Variants in ERC1 observed in about 807,000 individuals in gnomAD.
The protein encoded by ERC1 is RAB6 interacting protein 2.
In ERC1, 56 loss-of-function variants were observed where a neutral mutation model predicts 132.0. That is an observed-to-expected ratio of 0.42 (90% confidence interval 0.34 to 0.53). The LOEUF (loss-of-function observed/expected upper bound fraction) is 0.53, where lower values mean the gene tolerates loss of function less well. Ranked by LOEUF, ERC1 falls within the 20% of genes least tolerant of loss-of-function variation. The pLI, the probability that ERC1 is intolerant of heterozygous loss-of-function variation, is 0.03. For synonymous variants in ERC1, 478 were observed against 476.1 expected, an observed-to-expected ratio of 1.00 and a Z score of -0.05; for missense variants, 1,202 against 1,349.9, an observed-to-expected ratio of 0.89 and a Z score of 1.72.
Position 1,491,224 on chromosome 12 carries a change from C to G in ERC1, c.*994C>G, listed in dbSNP as rs1320719992. 4.3e-6 allele frequency: 1 copy of G among 231,344 alleles called. No homozygotes were observed. Among genetic ancestry groups the G allele is most frequent in the Non-Finnish European group, 8.6e-6 (1 of 116,902 alleles). The allele number at this position is 231,344 out of a possible 1,614,324, so 14.3% of individuals were successfully genotyped here. A position where few individuals can be genotyped will look rare whatever the true frequency, so the allele number is the denominator to read the frequency against. ...AGAGGCTGCCTGCCTTGCCAGCACC[C>G]GTGTCCTGAGCTCCTGCAGCCCAGT... On this transcript the variant is annotated 3_prime_UTR_variant, in exon 19 of 19. Transcript: ENST00000360905.
chr12:1,103,340 C>T (rs541471678), intron 3 of ERC1, among the ~76,000 whole-genome samples: 4 of 152,198 alleles, frequency 2.6e-5, no homozygotes, highest in African/African-American at 7.2e-5. Flanking sequence ...TGCAGGCTGC[C>T]GAGAGGACTT....
intron 15 of ERC1, 46 bp from the exon 16 acceptor site, chr12:1,371,787 G>T (rs779086886): frequency 1.3e-5 from 21 of 1,589,874 alleles, no homozygotes; most frequent in Admixed American, 1.8e-5. Context: ...CCAAAGAATT[G>T]TTGGAAGGGG....
At chr12:1,025,037 A>G (rs1289101116) in intron 1 of ERC1, among the ~76,000 whole-genome samples, 1 of 152,186 alleles carries the variant, frequency 6.6e-6, no homozygotes, top group Non-Finnish European at 1.5e-5. Flanking sequence ...GTCATTTTGA[A>G]TCAGGGACTT....
At chr12:1,417,650 G>A (rs796575922) in intron 17 of ERC1, among the ~76,000 whole-genome samples, 4 of 152,040 alleles carry the variant, frequency 2.6e-5, no homozygotes, top group East Asian at 1.9e-4. Flanking sequence ...GTGTGGTGGC[G>A]CGTGCCTGTA....
chr12:1,208,759 G>T (rs1232395175), intron 12 of ERC1, among the ~76,000 whole-genome samples: 2 of 151,990 alleles, frequency 1.3e-5, no homozygotes, highest in African/African-American at 4.8e-5. Flanking sequence ...ATAAAATAAT[G>T]ATATTGCAAT....
intron 17 of ERC1, among the ~76,000 whole-genome samples, chr12:1,414,858 CTG>C (rs375722420): frequency 6.6e-6 from 1 of 151,538 alleles, no homozygotes; most frequent in Non-Finnish European, 1.5e-5. Flanking sequence ...GTGTGTGTGT[CTG>C]TGTGTGTGTG....
At chr12:1,080,206 A>G (rs1941985959) in intron 2 of ERC1, among the ~76,000 whole-genome samples, 1 of 152,206 alleles carries the variant, frequency 6.6e-6, no homozygotes, top group African/African-American at 2.4e-5. Flanking sequence ...GGCATTCAGT[A>G]TATCCCATCT....
intron 7 of ERC1, among the ~76,000 whole-genome samples, chr12:1,119,789 A>G (rs539508878): frequency 6.6e-6 from 1 of 151,942 alleles, no homozygotes; most frequent in East Asian, 1.9e-4. Context: ...ACCTCAGGTG[A>G]TCTGTCCTCC....
At chr12:1,262,968 T>G in intron 13 of ERC1, 66 bp from the exon 14 acceptor site, 8 of 1,549,282 alleles carry the variant, frequency 5.2e-6, no homozygotes, top group Non-Finnish European at 7.0e-6. Flanking sequence ...AGCCCTTTCT[T>G]AATAAATAGG....
intron 15 of ERC1, among the ~76,000 whole-genome samples, chr12:1,310,040 C>T (rs554497525): frequency 9.2e-5 from 14 of 151,648 alleles, no homozygotes; most frequent in South Asian, 4.2e-4. Context: ...CTCTGCCTCC[C>T]GGGTTCACGC....
At chr12:1,474,180 G>C (rs185333301) in intron 18 of ERC1, among the ~76,000 whole-genome samples, 15 of 152,334 alleles carry the variant, frequency 9.8e-5, no homozygotes, top group Admixed American at 8.5e-4. Context: ...CATCATGCCA[G>C]ATTACAGCTC....
intron 1 of ERC1, among the ~76,000 whole-genome samples, chr12:1,008,317 A>G (rs1458638398): frequency 6.6e-6 from 1 of 152,250 alleles, no homozygotes; most frequent in Non-Finnish European, 1.5e-5. Context: ...TAATTAAAAA[A>G]TTTTTAGTAG....
chr12:1,061,647 C>T (rs1475805903), intron 2 of ERC1, among the ~76,000 whole-genome samples: 3 of 151,958 alleles, frequency 2.0e-5, no homozygotes, highest in Non-Finnish European at 4.4e-5. Context: ...AAAACAAGTT[C>T]TTGTTTCATT....
At chr12:1,049,235 G>C (rs1363521972) in intron 2 of ERC1, among the ~76,000 whole-genome samples, 1 of 152,194 alleles carries the variant, frequency 6.6e-6, no homozygotes, top group Non-Finnish European at 1.5e-5. Flanking sequence ...AGAAGTCACT[G>C]TTCTGTCAGA....
At chr12:1,384,590 A>G (rs1419475503) in intron 16 of ERC1, among the ~76,000 whole-genome samples, 3 of 152,148 alleles carry the variant, frequency 2.0e-5, no homozygotes, top group Admixed American at 6.6e-5. Context: ...GCTCATAGAG[A>G]TGAGTGATTG....
At chr12:1,136,431 C>T (rs1476808485) in intron 7 of ERC1, among the ~76,000 whole-genome samples, 1 of 152,212 alleles carries the variant, frequency 6.6e-6, no homozygotes, top group Non-Finnish European at 1.5e-5. Flanking sequence ...CTCTACACTT[C>T]TGTTGCAGCA....
At chr12:1,040,554 C>G (rs1229235943) in intron 2 of ERC1, among the ~76,000 whole-genome samples, 1 of 152,130 alleles carries the variant, frequency 6.6e-6, no homozygotes, top group Non-Finnish European at 1.5e-5. Flanking sequence ...GATCCGCCCA[C>G]CTAGGCCTCC....
Position 1,494,901 on chromosome 12 carries a change from C to T in ERC1, c.*4671C>T, listed in dbSNP as rs111939912. ...GCAGCCACACTCCCCTCCTCCCAGG[C>T]TGGCATAGGTGGCCCTGGGCTGGCG... On this transcript the variant is annotated 3_prime_UTR_variant, in exon 19 of 19. Coordinates refer to ENST00000360905, the MANE Select transcript of ERC1 (RefSeq NM_178040.4). 8.8e-3 allele frequency: 2,024 copies of T among 231,162 alleles called. 14 individuals are homozygous for T. The highest frequency in any genetic ancestry group is 0.013 in the Non-Finnish European group (1,516 of 116,712). 14.3% of individuals were successfully genotyped at this position (231,162 alleles called of 1,614,324 possible). A position where few individuals can be genotyped will look rare whatever the true frequency, so the allele number is the denominator to read the frequency against.
chr12:1,446,500 TTCA>T (rs1212846436), intron 18 of ERC1, among the ~76,000 whole-genome samples: 3 of 152,220 alleles, frequency 2.0e-5, no homozygotes, highest in Non-Finnish European at 4.4e-5. Flanking sequence ...ACTAAAACTC[TTCA>T]TCAGAACTTT....
Sources: allele counts gnomAD v4.1 joint callset (sites outside exome capture counted in the v4.1 genomes callset), GRCh38; gene constraint gnomAD v4.1.1; transcripts MANE v1.5; gene names NCBI Gene and HGNC (gene_info 2026-07-23, HGNC 2026-07-21).